Variants in ESR1 observed in about 807,000 individuals in gnomAD.
ESR1 encodes estrogen receptor.
ESR1 carries 12 observed loss-of-function variants against 52.7 expected under a neutral mutation model. The ratio of observed to expected loss-of-function variants is 0.23; its 90% confidence interval spans 0.15 to 0.37. The LOEUF (loss-of-function observed/expected upper bound fraction) is 0.37, where lower values mean the gene tolerates loss of function less well. Ranked by LOEUF, ESR1 falls within the 10% of genes least tolerant of loss-of-function variation. The pLI is 1.00. For missense variants in ESR1, 584 were observed against 779.7 expected, an observed-to-expected ratio of 0.75 and a Z score of 2.99; for synonymous variants, 305 against 316.8, an observed-to-expected ratio of 0.96 and a Z score of 0.39.
At chr6:151,735,564 TG>T (rs200246090) in intron 2 of ESR1, among the ~76,000 whole-genome samples, 2 of 151,926 alleles carry the variant, frequency 1.3e-5, no homozygotes, top group Non-Finnish European at 2.9e-5. Context: ...TGTTTGTTTT[TG>T]TTTTTTTTTT....
chr6:151,748,512 T>G (rs1783654065), intron 2 of ESR1, among the ~76,000 whole-genome samples: 3 of 152,184 alleles, frequency 2.0e-5, no homozygotes, highest in South Asian at 4.1e-4. Context: ...TTTTGGTTGG[T>G]TTTGCTCTTA....
intron 5 of ESR1, among the ~76,000 whole-genome samples, chr6:152,047,529 G>C (rs1286402927): frequency 6.6e-6 from 1 of 152,094 alleles, no homozygotes; most frequent in African/African-American, 2.4e-5. Flanking sequence ...TTTTGTTTTG[G>C]TTTTGTGTGC....
At chr6:151,915,261 C>T (rs1158800550) in intron 3 of ESR1, among the ~76,000 whole-genome samples, 1 of 151,810 alleles carries the variant, frequency 6.6e-6, no homozygotes, top group Non-Finnish European at 1.5e-5. Flanking sequence ...TCCCTTTCTG[C>T]TGTTGGGAAA....
At chr6:151,916,556 T>C (rs555981445) in intron 3 of ESR1, among the ~76,000 whole-genome samples, 1 of 152,258 alleles carries the variant, frequency 6.6e-6, no homozygotes, top group African/African-American at 2.4e-5. Flanking sequence ...TCTGGCAGAT[T>C]AGTGAGAAGA....
At chr6:151,936,153 A>G (rs1171324214) in intron 3 of ESR1, 2 of 152,198 alleles carry the variant, frequency 1.3e-5, no homozygotes, top group Non-Finnish European at 2.9e-5. Flanking sequence ...TCTCCCAGTC[A>G]TTGTAATCTG....
At chr6:152,079,851 G>T (rs764946144) in intron 6 of ESR1, among the ~76,000 whole-genome samples, 3 of 152,206 alleles carry the variant, frequency 2.0e-5, no homozygotes, top group Non-Finnish European at 4.4e-5. Context: ...GTATGCACAA[G>T]CTTCGATAGC....
chr6:151,948,417 C>T (rs1372402850), intron 4 of ESR1, among the ~76,000 whole-genome samples: 1 of 151,988 alleles, frequency 6.6e-6, no homozygotes, highest in African/African-American at 2.4e-5. Flanking sequence ...TACTTATAAC[C>T]CAAAGTGTAG....
At position 152,098,727 on chromosome 6, in the gene ESR1, T is replaced by C. The variant is rs765363008; in HGVS notation, c.1554-5T>C. The C allele has an allele frequency of 2.2e-5, 36 of 1,612,744 alleles. No individual in the cohort carries two copies. Among genetic ancestry groups the C allele is most frequent in the Admixed American group, 3.3e-5 (2 of 59,968 alleles). On this transcript the variant is annotated splice_polypyrimidine_tract_variant and splice_region_variant and intron_variant, in intron 7 of 7. Coordinates refer to ENST00000206249, the MANE Select transcript of ESR1 (RefSeq NM_000125.4). This position sits in a 1 kb window ranked among gnomAD's most constrained non-coding sequence, Gnocchi z 5.1. ...GTAGTCCTTTCTGTGTCTTCCCACC[T>C]ACAGTAACAAAGGCATGGAGCATCT...
At position 151,944,468 on chromosome 6, in the gene ESR1, G is replaced by A. The variant is rs2128529350; in HGVS notation, c.1056G>A (p.Arg352=). The change falls in exon 4 of 8, where the codon AGG becomes AGA. Residue 352 remains arginine (R), a synonymous_variant. Coordinates refer to ENST00000206249, the MANE Select transcript of ESR1 (RefSeq NM_000125.4). ...GCTTACTGACCAACCTGGCAGACAG[G>A]GAGCTGGTTCACATGATCAACTGGG... ...MMGLLTNLAD[R]ELVHMINWAK... The A allele has an allele frequency of 6.2e-7, 1 of 1,614,240 alleles. No homozygotes were observed. Among genetic ancestry groups the A allele is most frequent in the East Asian group, 2.2e-5 (1 of 44,884 alleles).
chr6:151,899,815 C>T (rs1171454055), intron 3 of ESR1, among the ~76,000 whole-genome samples: 7 of 151,592 alleles, frequency 4.6e-5, no homozygotes, highest in Admixed American at 1.3e-4. Context: ...AGGGCAGAGA[C>T]GCTCCTCACT....
intron 4 of ESR1, among the ~76,000 whole-genome samples, chr6:151,980,091 G>A (rs574848807): frequency 3.9e-5 from 6 of 152,236 alleles, no homozygotes; most frequent in African/African-American, 1.2e-4. Flanking sequence ...ACTTCTAGTT[G>A]TCACTTTTTC....
At chr6:152,009,867 A>G (rs2042627579) in intron 4 of ESR1, among the ~76,000 whole-genome samples, 1 of 152,212 alleles carries the variant, frequency 6.6e-6, no homozygotes, top group African/African-American at 2.4e-5. Context: ...ATTTATTTAT[A>G]GGACATATCC....
At chr6:151,712,240 A>G (rs553735019) in intron 2 of ESR1, among the ~76,000 whole-genome samples, 1 of 152,250 alleles carries the variant, frequency 6.6e-6, no homozygotes, top group East Asian at 1.9e-4. Flanking sequence ...TGTTTTGGTT[A>G]CCGTAGCCTT....
intron 5 of ESR1, among the ~76,000 whole-genome samples, chr6:152,054,111 G>A (rs184395388): frequency 1.3e-4 from 20 of 151,870 alleles, no homozygotes; most frequent in East Asian, 7.8e-4. Context: ...TATATTTAGC[G>A]CTGTCCCTCT....
rs80255524 is a variant in ESR1 at position 152,098,398 on chromosome 6, T to C, written c.1554-334T>C. On this transcript the variant is annotated intron_variant, in intron 7 of 7. Coordinates refer to ENST00000206249, the MANE Select transcript of ESR1 (RefSeq NM_000125.4). The surrounding 1 kb of genome is among the most constrained non-coding windows in gnomAD (Gnocchi z 5.1). ...CTATTTGAATGCATTTAGGTCCTATTGGAGGGGAATAGGATCTCATTTGAG... is the reference window on the plus strand; with the variant it reads ...CTATTTGAATGCATTTAGGTCCTATCGGAGGGGAATAGGATCTCATTTGAG... 3.4e-3 allele frequency among the ~76,000 whole-genome samples: 517 copies of C among 152,134 alleles called. 6 individuals are homozygous for C. Among genetic ancestry groups the C allele is most frequent in the African/African-American group, 0.012 (494 of 41,506 alleles).
intron 5 of ESR1, among the ~76,000 whole-genome samples, chr6:152,021,756 T>A (rs2043674682): frequency 6.6e-6 from 1 of 152,138 alleles, no homozygotes; most frequent in African/African-American, 2.4e-5. Flanking sequence ...AGGGACCCGG[T>A]GGGAGGTAAT....
chr6:151,720,212 A>T (rs376934934), intron 2 of ESR1, among the ~76,000 whole-genome samples: 11 of 152,314 alleles, frequency 7.2e-5, no homozygotes, highest in Admixed American at 6.5e-4. Flanking sequence ...TTCTACCTCT[A>T]GCATTTTATT....
At position 151,989,305 on chromosome 6, in the gene ESR1, ACAAGATGATCCAG is replaced by A. The variant is rs2040799823; in HGVS notation, c.1097-22348_1097-22336del. Among the ~76,000 whole-genome samples, 7 of 152,254 alleles carry A rather than the reference ACAAGATGATCCAG, an allele frequency of 4.6e-5. No homozygotes were observed. In the South Asian group the frequency reaches 1.5e-3, roughly 32 times the overall value. ...TTTCAAAAACATGTCTTAATCAAAA[ACAAGATGATCCAG>A]CACAGGTTTAATAAATGTTTTGTGA... is the stretch of plus-strand genomic sequence containing the variant. On this transcript the variant is annotated intron_variant, in intron 4 of 7. Transcript: ENST00000206249.
chr6:151,656,880 A>C (rs1203615589), intron 1 of ESR1: 4 of 152,222 alleles, frequency 2.6e-5, no homozygotes, highest in Non-Finnish European at 5.9e-5. Flanking sequence ...AGCACATGCC[A>C]TAGAAAGAAC....
Sources: gnomAD v4.1 joint callset for allele counts (sites outside exome capture counted in the v4.1 genomes callset) on GRCh38, gnomAD v4.1.1 for gene constraint, Gnocchi (gnomAD v3.1) non-coding constraint, MANE v1.5 for transcripts, NCBI Gene and HGNC (gene_info 2026-07-23, HGNC 2026-07-21) for gene names.